The following NDUFA9 variants were observed in gnomAD, a reference collection of about 807,000 sequenced individuals.
NDUFA9 encodes NADH:ubiquinone oxidoreductase subunit A9, also known as NADH dehydrogenase [ubiquinone] 1 alpha subcomplex subunit 9, mitochondrial.
A neutral mutation model predicts 45.9 loss-of-function variants in NDUFA9; 23 were observed. The observed-to-expected ratio is 0.50, with a 90% confidence interval of 0.36 to 0.71. NDUFA9 has a LOEUF of 0.71. Among genes scored for constraint, NDUFA9 ranks in the 30% least tolerant of loss-of-function variants. NDUFA9 has a pLI of 0.00. For synonymous variants in NDUFA9, 176 were observed against 170.5 expected (o/e 1.03, Z -0.25); for missense variants, 466 against 488.2 (o/e 0.95, Z 0.43).
chr12:4,681,560 G>A (rs1016805816), intron 8 of NDUFA9, among the ~76,000 whole-genome samples: 3 of 148,376 alleles, frequency 2.0e-5, no homozygotes, highest in African/African-American at 4.9e-5. Context: ...GGTGGAGGGG[G>A]CATTCTTATA....
At chr12:4,670,175 T>C (rs772357660) in intron 8 of NDUFA9, among the ~76,000 whole-genome samples, 1 of 152,228 alleles carries the variant, frequency 6.6e-6, no homozygotes, top group Non-Finnish European at 1.5e-5. Context: ...ACATTAATTT[T>C]GATGGAGTAT....
chr12:4,681,600 T>C (rs1367661946), intron 8 of NDUFA9, among the ~76,000 whole-genome samples: 1 of 148,814 alleles, frequency 6.7e-6, no homozygotes, highest in Non-Finnish European at 1.5e-5. Context: ...TTATAATTTA[T>C]ATAATTATCT....
intron 3 of NDUFA9, chr12:4,655,259 A>G (rs1446630182): frequency 4.9e-6 from 1 of 202,972 alleles, no homozygotes; most frequent in East Asian, 1.3e-4. Context: ...CATTTCAGTA[A>G]AATTTTATTT....
chr12:4,663,154 T>C (rs1413719382), intron 6 of NDUFA9, among the ~76,000 whole-genome samples: 1 of 152,234 alleles, frequency 6.6e-6, no homozygotes, highest in East Asian at 1.9e-4. Flanking sequence ...TTTCATAGCT[T>C]GATAGCTCAT....
At chr12:4,685,490 G>C (rs965991662) in intron 10 of NDUFA9, among the ~76,000 whole-genome samples, 165 bp downstream of exon 10, 7 of 152,102 alleles carry the variant, frequency 4.6e-5, no homozygotes, top group African/African-American at 1.7e-4. Context: ...CCCTGCTCCA[G>C]GGGGCGGCTC....
Position 4,682,232 on chromosome 12 carries a change from G to C in NDUFA9, c.828G>C (p.Leu276=). 2 of 1,612,480 alleles carry C rather than the reference G, an allele frequency of 1.2e-6. No homozygotes were observed. Among genetic ancestry groups the C allele is most frequent in the African/African-American group, 1.3e-5 (1 of 74,938 alleles). The change falls in exon 9 of 11, where the codon CTG becomes CTC. Residue 276 remains leucine, a synonymous_variant. Transcript: ENST00000266544. ...CCAGTCGGTACCTCCTTTTCCACCT[G>C]GTGAAGTACATCTTTGCTGTGGCTC... is the stretch of plus-strand genomic sequence containing the variant. ...VGPSRYLLFH[L]VKYIFAVAHR... is the part of the protein sequence containing the mutation.
In NDUFA9 at chr12:4,687,915, C is replaced by T. The variant is rs1343772522; in HGVS notation, c.*807C>T. On this transcript the variant is annotated 3_prime_UTR_variant, in exon 11 of 11. Coordinates refer to ENST00000266544, the MANE Select transcript of NDUFA9 (RefSeq NM_005002.5). ...ATTTGTGGTGAAGCCAACATACCACCATCCTAGGTGACCCAGGGTTGGTCA... is the reference window on the plus strand; with the variant it reads ...ATTTGTGGTGAAGCCAACATACCACTATCCTAGGTGACCCAGGGTTGGTCA... The T allele has an allele frequency of 6.6e-6, 1 of 152,210 alleles. No homozygotes were observed. The highest frequency in any genetic ancestry group is 1.9e-4 in the East Asian group (1 of 5,200). 9.4% of individuals were successfully genotyped at this position (152,210 alleles called of 1,614,324 possible). A position where few individuals can be genotyped will look rare whatever the true frequency, so the allele number is the denominator to read the frequency against.
chr12:4,659,513 G>A (rs1456283915), intron 5 of NDUFA9, among the ~76,000 whole-genome samples: 1 of 152,184 alleles, frequency 6.6e-6, no homozygotes, highest in Non-Finnish European at 1.5e-5. Context: ...ATCTACCATG[G>A]TTAAAGGACC....
At chr12:4,679,550 G>A (rs149436898) in intron 8 of NDUFA9, among the ~76,000 whole-genome samples, 20 of 152,172 alleles carry the variant, frequency 1.3e-4, no homozygotes, top group African/African-American at 4.8e-4. Flanking sequence ...AAACCAGAAG[G>A]AGGAAGTTGG....
At chr12:4,652,342 A>G (rs1044099695) in intron 1 of NDUFA9, among the ~76,000 whole-genome samples, 2 of 152,122 alleles carry the variant, frequency 1.3e-5, no homozygotes, top group Non-Finnish European at 2.9e-5. Context: ...AAACAAACCT[A>G]TTCCTGTCCT....
intron 1 of NDUFA9, chr12:4,653,724 G>C (rs1296625511): frequency 2.8e-6 from 1 of 357,446 alleles, no homozygotes; most frequent in African/African-American, 2.4e-5. Flanking sequence ...TTTTTTTAAT[G>C]TTCTGTACTA....
At chr12:4,679,510 C>T (rs1489388638) in intron 8 of NDUFA9, among the ~76,000 whole-genome samples, 6 of 151,850 alleles carry the variant, frequency 4.0e-5, no homozygotes, top group Non-Finnish European at 5.9e-5. Context: ...AATAAATGAC[C>T]GAAAAGGAAA....
chr12:4,656,414 C>G (rs1398802705), intron 3 of NDUFA9, among the ~76,000 whole-genome samples: 1 of 152,214 alleles, frequency 6.6e-6, no homozygotes, highest in African/African-American at 2.4e-5. Context: ...CAAATGACAT[C>G]TATTCCATTA....
At chr12:4,678,331 G>T (rs931867827) in intron 8 of NDUFA9, among the ~76,000 whole-genome samples, 1 of 151,564 alleles carries the variant, frequency 6.6e-6, no homozygotes, top group African/African-American at 2.4e-5. Flanking sequence ...AAATAAAAGA[G>T]TTATAAAACT....
At chr12:4,683,571 A>G (rs1945966971) in intron 9 of NDUFA9, among the ~76,000 whole-genome samples, 1 of 152,204 alleles carries the variant, frequency 6.6e-6, no homozygotes, top group South Asian at 2.1e-4. Flanking sequence ...TGATAACGAT[A>G]TTTATTGAGT....
chr12:4,664,003 G>C (rs1945838799), intron 6 of NDUFA9, among the ~76,000 whole-genome samples: 1 of 152,178 alleles, frequency 6.6e-6, no homozygotes, highest in Non-Finnish European at 1.5e-5. Context: ...ACTTGTGAGT[G>C]ATGAAATTGT....
Position 4,669,729 on chromosome 12 carries a change from A to G in NDUFA9, c.724-12A>G. 1 of 1,533,168 alleles carries G rather than the reference A, an allele frequency of 6.5e-7. No homozygotes were observed. The highest frequency in any genetic ancestry group is 9.0e-7 in the Non-Finnish European group (1 of 1,107,612). The allele number at this position is 1,533,168 out of a possible 1,614,324, so 95.0% of individuals were successfully genotyped here. A position where few individuals can be genotyped will look rare whatever the true frequency, so the allele number is the denominator to read the frequency against. The stretch of plus-strand genomic sequence containing the variant: ...CAACAATTACTTAGACATATATTAT[A>G]ATTTCTTACAGGTCGTAGATGTATC... On this transcript the variant is annotated splice_polypyrimidine_tract_variant and intron_variant, in intron 7 of 10. Transcript: ENST00000266544.
Position 4,665,297 on chromosome 12 carries a change from T to C in NDUFA9, c.655+2662T>C, listed in dbSNP as rs548063838. Among the ~76,000 whole-genome samples the C allele has an allele frequency of 2.2e-4, 33 of 152,340 alleles. 1 individual carries two copies. The South Asian group carries it at 6.6e-3, about 31-fold the overall frequency. ...ACTACCATTCTGCTTTTGGTTTCTATGAATTTGACCACCTCATATAAGTGG... is the reference window on the plus strand; with the variant it reads ...ACTACCATTCTGCTTTTGGTTTCTACGAATTTGACCACCTCATATAAGTGG... On this transcript the variant is annotated intron_variant, in intron 6 of 10. Transcript: ENST00000266544.
intron 8 of NDUFA9, among the ~76,000 whole-genome samples, chr12:4,675,001 G>A (rs1945910348): frequency 6.6e-6 from 1 of 152,164 alleles, no homozygotes; most frequent in African/African-American, 2.4e-5. Context: ...TAGAACTCAG[G>A]ATTAAGAAAC....
Sources: allele counts gnomAD v4.1 joint callset (sites outside exome capture counted in the v4.1 genomes callset), GRCh38; gene constraint gnomAD v4.1.1; transcripts MANE v1.5; gene names NCBI Gene and HGNC (gene_info 2026-07-23, HGNC 2026-07-21).